The following TBC1D32 variants were observed in gnomAD, a reference collection of about 807,000 sequenced individuals.
The protein encoded by TBC1D32 is protein broad-minded.
TBC1D32 carries 151 observed loss-of-function variants against 170.3 expected under a neutral mutation model. That is an observed-to-expected ratio of 0.89 (90% CI 0.78 to 1.01). The LOEUF (loss-of-function observed/expected upper bound fraction) is 1.01. Ranked by LOEUF, TBC1D32 falls within the 50% of genes least tolerant of loss-of-function variation. TBC1D32 has a pLI of 0.00. For synonymous variants in TBC1D32, 498 were observed against 488.0 expected, an observed-to-expected ratio of 1.02 and a Z score of -0.27; for missense variants, 1,464 against 1,457.1, an observed-to-expected ratio of 1.00 and a Z score of -0.08.
chr6:121,205,175 A>G lies in TBC1D32; in HGVS notation c.2482-12T>C, dbSNP rs779772864. The G allele has an allele frequency of 1.5e-5, 19 of 1,229,838 alleles. No homozygotes were observed. The highest frequency in any genetic ancestry group is 2.2e-5 in the Non-Finnish European group (19 of 879,988). 76.2% of individuals were successfully genotyped at this position (1,229,838 alleles called of 1,614,324 possible). On this transcript the variant is annotated splice_polypyrimidine_tract_variant and intron_variant, in intron 21 of 31. Coordinates refer to ENST00000398212, the MANE Select transcript of TBC1D32 (RefSeq NM_152730.6). ...CTATCAATAATATCCTGAAAAAGAC[A>G]GACAAAATGAGACTGTATTTAACTG...
chr6:121,233,612 T>C (rs771087068), intron 20 of TBC1D32, among the ~76,000 whole-genome samples: 10 of 152,158 alleles, frequency 6.6e-5, no homozygotes, highest in Non-Finnish European at 1.3e-4. Flanking sequence ...ATGGGTTAGG[T>C]GAGTCTCCTG....
At chr6:121,299,740 C>G (rs1027532171) in intron 9 of TBC1D32, among the ~76,000 whole-genome samples, 2 of 152,110 alleles carry the variant, frequency 1.3e-5, no homozygotes, top group African/African-American at 4.8e-5. Flanking sequence ...AGTAGAAGAA[C>G]ATTCTATCCA....
chr6:121,080,384 T>C lies in TBC1D32; in HGVS notation c.*387A>G, dbSNP rs376162288. Reference sequence around the variant, plus strand: ...AGGCGCATCACTGCACCCAGCTAATTTCAGTATTGTTAGCAGAGACGAGGT... The same window carrying C: ...AGGCGCATCACTGCACCCAGCTAATCTCAGTATTGTTAGCAGAGACGAGGT... On this transcript the variant is annotated 3_prime_UTR_variant, in exon 32 of 32. Transcript: ENST00000398212. The C allele has an allele frequency of 3.6e-3, 1,196 of 336,648 alleles. 28 individuals are homozygous for C. The highest frequency in any genetic ancestry group is 0.026 in the South Asian group (1,167 of 44,434). The allele number at this position is 336,648 out of a possible 1,614,324, so 20.9% of individuals were successfully genotyped here.
intron 21 of TBC1D32, among the ~76,000 whole-genome samples, chr6:121,211,169 G>T (rs1035482900): frequency 5.9e-5 from 9 of 152,044 alleles, no homozygotes; most frequent in African/African-American, 1.9e-4. Flanking sequence ...GGAGGGGGCG[G>T]CGAGGAAAGG....
At chr6:121,288,153 A>G (rs1804191322) in intron 12 of TBC1D32, among the ~76,000 whole-genome samples, 1 of 152,244 alleles carries the variant, frequency 6.6e-6, no homozygotes, top group Non-Finnish European at 1.5e-5. Context: ...AACTAAGACC[A>G]GGGCAGAACT....
chr6:121,280,410 T>C (rs1387151937), intron 14 of TBC1D32, among the ~76,000 whole-genome samples: 1 of 151,796 alleles, frequency 6.6e-6, no homozygotes, highest in African/African-American at 2.4e-5. Context: ...TGGTTGATGC[T>C]GGATGTCTTA....
At chr6:121,150,988 T>C (rs1190312252) in intron 24 of TBC1D32, among the ~76,000 whole-genome samples, 1 of 152,220 alleles carries the variant, frequency 6.6e-6, no homozygotes, top group African/African-American at 2.4e-5. Flanking sequence ...AAGGGTCTTT[T>C]CTGTCTCTAT....
intron 24 of TBC1D32, 79 bp from the exon 25 acceptor site, chr6:121,131,831 AG>A: frequency 8.6e-7 from 1 of 1,167,028 alleles, no homozygotes; most frequent in Non-Finnish European, 1.2e-6. Flanking sequence ...CTATGTAAAC[AG>A]TTGAAAATTC....
chr6:121,150,405 C>A (rs1784062299), intron 24 of TBC1D32, among the ~76,000 whole-genome samples: 1 of 152,128 alleles, frequency 6.6e-6, no homozygotes, highest in Non-Finnish European at 1.5e-5. Flanking sequence ...GTTCAGTTTG[C>A]CAGTATTTTA....
At chr6:121,170,125 A>G (rs903702737) in intron 22 of TBC1D32, among the ~76,000 whole-genome samples, 2 of 151,824 alleles carry the variant, frequency 1.3e-5, no homozygotes, top group African/African-American at 4.8e-5. Context: ...CTAGTATTTT[A>G]TGTATTACAT....
chr6:121,204,473 C>T (rs1223109846), intron 22 of TBC1D32, among the ~76,000 whole-genome samples: 1 of 151,032 alleles, frequency 6.6e-6, no homozygotes, highest in Non-Finnish European at 1.5e-5. Context: ...CTTAATTCAC[C>T]TGCTTTTAAA....
Position 121,195,113 on chromosome 6 carries a change from T to A in TBC1D32, c.2570+9962A>T, listed in dbSNP as rs187480984. Among the ~76,000 whole-genome samples, 45 of 152,294 alleles carry A rather than the reference T, an allele frequency of 3.0e-4. No homozygotes were observed. In the East Asian group the frequency reaches 8.3e-3, roughly 28 times the overall value. ...TTTCGGAGGCAACACATTCCTCACT[T>A]GGGTGTGTTACTCCAGCCCATTTAT... On this transcript the variant is annotated intron_variant, in intron 22 of 31. Transcript: ENST00000398212.
intron 15 of TBC1D32, among the ~76,000 whole-genome samples, chr6:121,267,745 G>C (rs561580144): frequency 6.6e-6 from 1 of 152,282 alleles, no homozygotes; most frequent in Non-Finnish European, 1.5e-5. Flanking sequence ...GTCCCTGTCT[G>C]ACAGCTTTGA....
chr6:121,141,970 C>G (rs1402390226), intron 24 of TBC1D32, among the ~76,000 whole-genome samples: 1 of 152,170 alleles, frequency 6.6e-6, no homozygotes, highest in Non-Finnish European at 1.5e-5. Flanking sequence ...AGCTTGTTTA[C>G]TTATGTTGTC....
chr6:121,242,749 G>A (rs367758273), intron 17 of TBC1D32, among the ~76,000 whole-genome samples: 3 of 151,814 alleles, frequency 2.0e-5, no homozygotes, highest in South Asian at 2.1e-4. Context: ...TCAAAAGCAC[G>A]TGATAGATAT....
At chr6:121,128,003 C>T (rs1049320931) in intron 25 of TBC1D32, among the ~76,000 whole-genome samples, 3 of 152,116 alleles carry the variant, frequency 2.0e-5, no homozygotes, top group African/African-American at 7.2e-5. Flanking sequence ...GGGAACTACA[C>T]ACAAAATAAT....
chr6:121,124,070 T>C (rs1166027821), intron 26 of TBC1D32, among the ~76,000 whole-genome samples: 3 of 152,092 alleles, frequency 2.0e-5, no homozygotes, highest in Non-Finnish European at 4.4e-5. Context: ...GTTGTAGTTA[T>C]CAGTTTTTAA....
At chr6:121,190,601 C>G (rs1789872811) in intron 22 of TBC1D32, among the ~76,000 whole-genome samples, 2 of 152,118 alleles carry the variant, frequency 1.3e-5, no homozygotes, top group South Asian at 4.1e-4. Flanking sequence ...AGATGAGGGA[C>G]TAGCCTTTTC....
chr6:121,213,811 A>C (rs1449931937), intron 21 of TBC1D32, among the ~76,000 whole-genome samples: 1 of 152,196 alleles, frequency 6.6e-6, no homozygotes, highest in African/African-American at 2.4e-5. Context: ...ATTCATATGA[A>C]ACCAAAAAAG....
Sources: gnomAD v4.1 joint callset for allele counts (sites outside exome capture counted in the v4.1 genomes callset) on GRCh38, gnomAD v4.1.1 for gene constraint, MANE v1.5 for transcripts, NCBI Gene and HGNC (gene_info 2026-07-23, HGNC 2026-07-21) for gene names.